Variants in ADAM18 observed in about 807,000 individuals in gnomAD.
ADAM18 encodes the protein ADAM metallopeptidase domain 18.
Under a neutral mutation model 94.4 loss-of-function variants are expected in ADAM18, and 117 were observed. The ratio of observed to expected loss-of-function variants is 1.24; its 90% CI spans 1.07 to 1.45. The LOEUF (loss-of-function observed/expected upper bound fraction) is 1.45. Among genes scored for constraint, ADAM18 ranks in the 40% most tolerant of loss-of-function variants. ADAM18 has a pLI of 0.00. For missense variants in ADAM18, 936 were observed against 880.0 expected, an observed-to-expected ratio of 1.06 and a Z score of -0.81; for synonymous variants, 327 against 291.6, an observed-to-expected ratio of 1.12 and a Z score of -1.24.
chr8:39,705,999 A>G (rs1822229604), intron 17 of ADAM18, among the ~76,000 whole-genome samples: 1 of 152,130 alleles, frequency 6.6e-6, no homozygotes, highest in South Asian at 2.1e-4. Context: ...TATGAATGAA[A>G]CACAACATCT....
intron 6 of ADAM18, 119 bp from the exon 7 acceptor site, chr8:39,629,255 A>C (rs1442054487): frequency 1.5e-6 from 1 of 668,568 alleles, no homozygotes; most frequent in African/African-American, 1.9e-5. Flanking sequence ...ATTAATTTTT[A>C]TACTTAAGTC....
intron 12 of ADAM18, among the ~76,000 whole-genome samples, chr8:39,658,323 G>A (rs1191012420): frequency 1.3e-5 from 2 of 152,064 alleles, no homozygotes; most frequent in Admixed American, 6.5e-5. Context: ...TTAAGTTAAA[G>A]ACCTTGTGAT....
intron 16 of ADAM18, among the ~76,000 whole-genome samples, chr8:39,689,955 C>T (rs28586932): frequency 0.032 from 4,911 of 152,130 alleles, 277 homozygotes; most frequent in African/African-American, 0.11. Context: ...TGTGTGTGTG[C>T]GGCAGCTGTG....
At chr8:39,660,121 A>T (rs1416548396) in intron 12 of ADAM18, among the ~76,000 whole-genome samples, 1 of 152,144 alleles carries the variant, frequency 6.6e-6, no homozygotes, top group Admixed American at 6.5e-5. Flanking sequence ...TGAGAAAGGA[A>T]GTAAAACTTA....
chr8:39,637,219 G>A, intron 7 of ADAM18, 45 bp from the exon 8 acceptor site: 4 of 1,387,586 alleles, frequency 2.9e-6, no homozygotes, highest in Non-Finnish European at 3.0e-6. Context: ...TCATTCACAT[G>A]GATTCAAAAT....
intron 18 of ADAM18, among the ~76,000 whole-genome samples, chr8:39,709,411 T>A (rs1027279308): frequency 1.3e-5 from 2 of 152,102 alleles, no homozygotes; most frequent in African/African-American, 2.4e-5. Flanking sequence ...GGGGGTGGAA[T>A]AGGACCATGG....
intron 18 of ADAM18, among the ~76,000 whole-genome samples, chr8:39,708,834 C>T (rs1253158882): frequency 6.6e-6 from 1 of 152,120 alleles, no homozygotes; most frequent in Non-Finnish European, 1.5e-5. Context: ...GTGCAGGGGC[C>T]AAGGTGCAGG....
Position 39,630,439 on chromosome 8 carries a change from A to T in ADAM18, c.588+1000A>T, listed in dbSNP as rs182027686. 5.3e-5 allele frequency among the ~76,000 whole-genome samples: 8 copies of T among 151,738 alleles called. No homozygotes were observed. The East Asian group carries it at 1.5e-3, about 29-fold the overall frequency. On this transcript the variant is annotated intron_variant, in intron 7 of 19. Coordinates refer to ENST00000265707, the MANE Select transcript of ADAM18 (RefSeq NM_014237.3). ...AAGTAACAGGATAGAATTGAGAAAG[A>T]TGTAGGAATTGTTAAGGAAAGTCTT...
chr8:39,666,725 A>G (rs1821000799), intron 13 of ADAM18, among the ~76,000 whole-genome samples: 2 of 152,186 alleles, frequency 1.3e-5, no homozygotes, highest in South Asian at 4.1e-4. Context: ...AGACCTATTC[A>G]CTATCATGAG....
At chr8:39,656,505 G>A (rs542360200) in intron 12 of ADAM18, among the ~76,000 whole-genome samples, 4 of 151,762 alleles carry the variant, frequency 2.6e-5, no homozygotes, top group Non-Finnish European at 4.4e-5. Flanking sequence ...AATGTGTAAA[G>A]GTAAAAAAAC....
chr8:39,622,763 TA>T (rs1274915966), intron 6 of ADAM18, among the ~76,000 whole-genome samples: 3 of 152,194 alleles, frequency 2.0e-5, no homozygotes, highest in Non-Finnish European at 4.4e-5. Flanking sequence ...TTACATAACT[TA>T]ATAGAAGGCA....
intron 2 of ADAM18, among the ~76,000 whole-genome samples, chr8:39,590,510 C>T (rs1818541138): frequency 6.6e-6 from 1 of 152,028 alleles, no homozygotes; most frequent in African/African-American, 2.4e-5. Flanking sequence ...GGGTGCAGCG[C>T]ACCAGCATGG....
At chr8:39,630,701 T>C (rs890638901) in intron 7 of ADAM18, among the ~76,000 whole-genome samples, 2 of 151,960 alleles carry the variant, frequency 1.3e-5, no homozygotes, top group African/African-American at 4.8e-5. Flanking sequence ...TTATCACCAA[T>C]CTTGCTCATG....
chr8:39,667,401 CAAAAAAAAAAA>C (rs377507911), intron 13 of ADAM18, among the ~76,000 whole-genome samples: 2 of 54,026 alleles, frequency 3.7e-5, no homozygotes, highest in East Asian at 1.0e-3. Flanking sequence ...AACTCCATCT[CAAAAAAAAAAA>C]AAAAAAAAGA....
At chr8:39,678,425 A>T (rs1429106771) in intron 15 of ADAM18, among the ~76,000 whole-genome samples, 3 of 152,146 alleles carry the variant, frequency 2.0e-5, no homozygotes, top group African/African-American at 7.2e-5. Flanking sequence ...TGTGGAGAGG[A>T]TGCAGAACTT....
At chr8:39,675,965 A>G (rs1054348406) in intron 14 of ADAM18, among the ~76,000 whole-genome samples, 6 of 152,218 alleles carry the variant, frequency 3.9e-5, no homozygotes, top group African/African-American at 1.4e-4. Flanking sequence ...AGGCTGCAGA[A>G]CAGCAAATAT....
chr8:39,716,862 A>T lies in ADAM18; in HGVS notation c.2018-6886A>T, dbSNP rs183720129. Among the ~76,000 whole-genome samples, 6 of 151,824 alleles carry T rather than the reference A, an allele frequency of 4.0e-5. No individual in the cohort carries two copies. The East Asian group carries it at 9.7e-4, about 24-fold the overall frequency. ...GTTTAGTTCAGTCACTGTTTGCTTT[A>T]TATACTTATGTGGTCAGATGTTGGG... On this transcript the variant is annotated intron_variant, in intron 18 of 19. Coordinates refer to ENST00000265707, the MANE Select transcript of ADAM18 (RefSeq NM_014237.3).
intron 18 of ADAM18, among the ~76,000 whole-genome samples, chr8:39,723,292 AGTATAG>A (rs1228044388): frequency 3.3e-5 from 5 of 151,592 alleles, no homozygotes; most frequent in Non-Finnish European, 7.4e-5. Context: ...TGCGGATACA[AGTATAG>A]GTATAAGTAT....
At chr8:39,728,494 T>A (rs1822983468) in intron 19 of ADAM18, among the ~76,000 whole-genome samples, 1 of 152,088 alleles carries the variant, frequency 6.6e-6, no homozygotes, top group Admixed American at 6.5e-5. Context: ...AGCAACACAA[T>A]AAATCCTGAG....
Sources: allele counts gnomAD v4.1 joint callset (sites outside exome capture counted in the v4.1 genomes callset), GRCh38; gene constraint gnomAD v4.1.1; transcripts MANE v1.5; gene names NCBI Gene and HGNC (gene_info 2026-07-23, HGNC 2026-07-21).